The following PALS2 variants were observed in gnomAD, a reference collection of about 807,000 sequenced individuals.
PALS2 encodes protein associated with LIN7 2, MAGUK p55 family member, also known as protein PALS2.
PALS2 carries 27 observed loss-of-function variants against 61.6 expected under a neutral mutation model. The observed-to-expected ratio is 0.44, with a 90% CI of 0.32 to 0.60. The LOEUF (loss-of-function observed/expected upper bound fraction) is 0.60. PALS2 is among the 20% of genes least tolerant of loss of function. The probability of loss-of-function intolerance (pLI) is 0.05; values close to 1 mark genes in which losing one functional copy is unlikely to be tolerated. For synonymous variants in PALS2, 236 were observed against 218.6 expected (o/e 1.08, Z -0.70); for missense variants, 554 against 639.4 (o/e 0.87, Z 1.44).
intron 2 of PALS2, among the ~76,000 whole-genome samples, chr7:24,636,212 CAAAAAAAAAAA>C (rs553687246): frequency 1.5e-5 from 1 of 65,348 alleles, no homozygotes; most frequent in Non-Finnish European, 3.1e-5. Flanking sequence ...AACTCTATCT[CAAAAAAAAAAA>C]AAAAAAAAAA....
intron 11 of PALS2, among the ~76,000 whole-genome samples, chr7:24,684,210 C>G (rs1386483545): frequency 6.6e-6 from 1 of 152,146 alleles, no homozygotes; most frequent in Admixed American, 6.5e-5. Flanking sequence ...AGCGATTCTC[C>G]TGCCTCAGCC....
intron 2 of PALS2, among the ~76,000 whole-genome samples, chr7:24,627,717 C>T (rs1332975006): frequency 6.6e-6 from 1 of 152,096 alleles, no homozygotes; most frequent in African/African-American, 2.4e-5. Context: ...TATAAACTAC[C>T]ATCAGAAAAT....
rs543791107 is a variant in PALS2 at position 24,598,956 on chromosome 7, T to C, written c.-2-24710T>C. Among the ~76,000 whole-genome samples, 4 of 152,316 alleles carry C rather than the reference T, an allele frequency of 2.6e-5. No individual in the cohort carries two copies. In the East Asian group the frequency reaches 5.8e-4, roughly 22 times the overall value. On this transcript the variant is annotated intron_variant, in intron 1 of 11. Coordinates refer to ENST00000222644, the MANE Select transcript of PALS2 (RefSeq NM_001303037.2). ...GCTTTGTATATACTTTTGTGAAATATTTCGCCCAGTACTTTAAAGGATGAT... is the reference window on the plus strand; with the variant it reads ...GCTTTGTATATACTTTTGTGAAATACTTCGCCCAGTACTTTAAAGGATGAT...
intron 1 of PALS2, among the ~76,000 whole-genome samples, chr7:24,612,001 G>A (rs778957659): frequency 5.3e-5 from 8 of 152,004 alleles, no homozygotes; most frequent in Non-Finnish European, 1.0e-4. Context: ...ATAGATTCTA[G>A]ATTCTAGAAA....
In PALS2 at chr7:24,672,196, C is replaced by T. The variant is rs181170303; in HGVS notation, c.1114+3536C>T. 3.9e-3 allele frequency among the ~76,000 whole-genome samples: 573 copies of T among 145,196 alleles called. 1 individual carries two copies. The highest frequency in any genetic ancestry group is 5.7e-3 in the Non-Finnish European group (377 of 66,512). On this transcript the variant is annotated intron_variant, in intron 9 of 11. Coordinates refer to ENST00000222644, the MANE Select transcript of PALS2 (RefSeq NM_001303037.2). Reference sequence around the variant, plus strand: ...ACTTGGCCTTGAGGACTACTGCCATCTGTTTTGTTTTGTTTTGTTTTGTTT... The same window carrying T: ...ACTTGGCCTTGAGGACTACTGCCATTTGTTTTGTTTTGTTTTGTTTTGTTT...
chr7:24,661,408 T>C (rs987188811), intron 5 of PALS2, among the ~76,000 whole-genome samples: 2 of 152,302 alleles, frequency 1.3e-5, no homozygotes, highest in Non-Finnish European at 2.9e-5. Flanking sequence ...TAATGGCATT[T>C]CCATAACAAT....
chr7:24,636,667 A>G (rs754681243), intron 2 of PALS2, among the ~76,000 whole-genome samples: 22 of 152,230 alleles, frequency 1.4e-4, no homozygotes, highest in Non-Finnish European at 3.2e-4. Flanking sequence ...TGTATCAATT[A>G]GAAATATAAA....
intron 2 of PALS2, among the ~76,000 whole-genome samples, chr7:24,640,063 C>G (rs1245335023): frequency 6.6e-6 from 1 of 151,960 alleles, no homozygotes; most frequent in East Asian, 1.9e-4. Flanking sequence ...GTGATCTGCC[C>G]ATCTTGGCCT....
intron 1 of PALS2, among the ~76,000 whole-genome samples, chr7:24,594,730 A>G (rs756993570): frequency 1.3e-5 from 2 of 152,112 alleles, no homozygotes; most frequent in Non-Finnish European, 2.9e-5. Context: ...AAGAGCACAG[A>G]TGTGATGGAT....
intron 1 of PALS2, among the ~76,000 whole-genome samples, chr7:24,604,921 T>TGG (rs1157963362): frequency 2.0e-5 from 3 of 152,294 alleles, no homozygotes; most frequent in South Asian, 4.1e-4. Context: ...GGGAGGTACA[T>TGG]GGGGACAGCC....
chr7:24,637,137 T>A (rs1416794467), intron 2 of PALS2, among the ~76,000 whole-genome samples: 1 of 152,120 alleles, frequency 6.6e-6, no homozygotes, highest in Non-Finnish European at 1.5e-5. Context: ...TCTACAGATA[T>A]ATCTAAGAGA....
chr7:24,636,136 C>T (rs551822476), intron 2 of PALS2, among the ~76,000 whole-genome samples: 4 of 149,278 alleles, frequency 2.7e-5, no homozygotes, highest in South Asian at 4.2e-4. Context: ...CGCTTGAACC[C>T]GGGAGGTGGA....
At chr7:24,594,654 A>G (rs948062428) in intron 1 of PALS2, among the ~76,000 whole-genome samples, 2 of 152,166 alleles carry the variant, frequency 1.3e-5, no homozygotes, top group Admixed American at 6.6e-5. Flanking sequence ...GAACACATAC[A>G]TTTATCAGCT....
At chr7:24,679,110 T>C in intron 9 of PALS2, 21 bp from the exon 10 acceptor site, 1 of 1,607,126 alleles carries the variant, frequency 6.2e-7, no homozygotes, top group South Asian at 1.1e-5. Context: ...TGTACAAAAA[T>C]CTCAACACTA....
chr7:24,670,758 G>T (rs917519189), intron 9 of PALS2, among the ~76,000 whole-genome samples: 5 of 152,104 alleles, frequency 3.3e-5, no homozygotes, highest in African/African-American at 4.8e-5. Flanking sequence ...AAATAGATTT[G>T]CTTATTTTGG....
At chr7:24,642,805 T>C (rs999459506) in intron 3 of PALS2, among the ~76,000 whole-genome samples, 1 of 152,164 alleles carries the variant, frequency 6.6e-6, no homozygotes, top group Non-Finnish European at 1.5e-5. Flanking sequence ...AGACATATCC[T>C]GTGCAGGTCC....
intron 5 of PALS2, among the ~76,000 whole-genome samples, chr7:24,660,441 A>G (rs955343415): frequency 3.9e-5 from 6 of 152,154 alleles, no homozygotes; most frequent in Non-Finnish European, 5.9e-5. Flanking sequence ...TTTTTCATAG[A>G]AAGGTTGCAT....
intron 11 of PALS2, among the ~76,000 whole-genome samples, chr7:24,684,116 G>A (rs1007781415): frequency 6.6e-6 from 1 of 151,592 alleles, no homozygotes; most frequent in Non-Finnish European, 1.5e-5. Flanking sequence ...TCACTATGGG[G>A]TTTTTTTGTT....
intron 8 of PALS2, among the ~76,000 whole-genome samples, chr7:24,667,657 ATTTTTTTTTTT>A (rs11284911): frequency 8.1e-5 from 8 of 98,646 alleles, no homozygotes; most frequent in African/African-American, 1.2e-4. Context: ...GATTAGATAA[ATTTTTTTTTTT>A]TTTTTTTTTT....
Sources: gnomAD v4.1 joint callset for allele counts (sites outside exome capture counted in the v4.1 genomes callset) on GRCh38, gnomAD v4.1.1 for gene constraint, MANE v1.5 for transcripts, NCBI Gene and HGNC (gene_info 2026-07-23, HGNC 2026-07-21) for gene names.